The following IGFBP7 variants were observed in gnomAD, a reference collection of about 807,000 sequenced individuals.
The protein encoded by IGFBP7 is insulin like growth factor binding protein 7.
IGFBP7 carries 31 observed loss-of-function variants against 29.4 expected under a neutral mutation model. The observed-to-expected ratio is 1.05, with a 90% CI of 0.79 to 1.42. The LOEUF is 1.42. IGFBP7 is among the 40% of genes most tolerant of loss of function. IGFBP7 has a pLI of 0.00. For synonymous variants in IGFBP7, 172 were observed against 174.9 expected, an observed-to-expected ratio of 0.98 and a Z score of 0.13; for missense variants, 393 against 395.5, an observed-to-expected ratio of 0.99 and a Z score of 0.05.
At chr4:57,067,209 A>G (rs7356193) in intron 1 of IGFBP7, among the ~76,000 whole-genome samples, 7,428 of 152,238 alleles carry the variant, frequency 0.049, 205 homozygotes, top group Middle Eastern at 0.12. Flanking sequence ...AGAATCTTTT[A>G]TGTTACTTTC....
rs1726128498 is a variant in IGFBP7, at chr4:57,109,801, C to T, written c.475+76G>A. The T allele has an allele frequency of 2.1e-5, 31 of 1,457,268 alleles. No individual in the cohort carries two copies. In the South Asian group the frequency reaches 3.8e-4, roughly 18 times the overall value. The allele number at this position is 1,457,268 out of a possible 1,614,324, so 90.3% of individuals were successfully genotyped here. Reference sequence around the variant, plus strand: ...CAGTGAGCAGCGCGGGGCGAGGCCGCCGCGGACGCCCCGTCGGATGTGCCC... The same window carrying T: ...CAGTGAGCAGCGCGGGGCGAGGCCGTCGCGGACGCCCCGTCGGATGTGCCC... On this transcript the variant is annotated intron_variant, in intron 1 of 4. Coordinates refer to ENST00000295666, the MANE Select transcript of IGFBP7 (RefSeq NM_001553.3).
At chr4:57,052,199 G>T (rs1422449181) in intron 1 of IGFBP7, among the ~76,000 whole-genome samples, 2 of 152,134 alleles carry the variant, frequency 1.3e-5, no homozygotes, top group East Asian at 3.9e-4. Context: ...AGACTTGGGG[G>T]ATTATTCAGG....
In IGFBP7 at chr4:57,107,485, A is replaced by G. The variant is rs11573030; in HGVS notation, c.475+2392T>C. Among the ~76,000 whole-genome samples the G allele has an allele frequency of 5.7e-3, 863 of 152,324 alleles. 5 individuals are homozygous for G. The highest frequency in any genetic ancestry group is 0.016 in the South Asian group (76 of 4,834). On this transcript the variant is annotated intron_variant, in intron 1 of 4. Transcript: ENST00000295666. ...ATGGCACTCTGTCCAGTTTGCTTCT[A>G]TGATTGTCAAAACCCATCCAGGTGT...
At chr4:57,040,795 G>A in intron 2 of IGFBP7, 29 bp downstream of exon 2, 1 of 1,414,264 alleles carries the variant, frequency 7.1e-7, no homozygotes, top group Non-Finnish European at 1.0e-6. Context: ...TGTCAGCCTA[G>A]GATGTCTCTT....
At chr4:57,097,640 C>A (rs1253669564) in intron 1 of IGFBP7, among the ~76,000 whole-genome samples, 1 of 121,218 alleles carries the variant, frequency 8.2e-6, no homozygotes, top group Non-Finnish European at 2.0e-5. Flanking sequence ...CAATGTTTTT[C>A]ATGTATTGCC....
chr4:57,073,403 C>T (rs909585413), intron 1 of IGFBP7, among the ~76,000 whole-genome samples: 55 of 151,640 alleles, frequency 3.6e-4, no homozygotes, highest in East Asian at 2.9e-3. Context: ...AAGACCAGCC[C>T]GGACAACATA....
intron 1 of IGFBP7, among the ~76,000 whole-genome samples, chr4:57,049,357 T>G (rs940633219): frequency 6.6e-5 from 10 of 152,178 alleles, no homozygotes; most frequent in Non-Finnish European, 7.4e-5. Context: ...CTTCGTTGCT[T>G]TCTCATTTGC....
intron 4 of IGFBP7, among the ~76,000 whole-genome samples, chr4:57,031,562 G>C (rs2109732492): frequency 6.6e-6 from 1 of 152,260 alleles, no homozygotes; most frequent in Non-Finnish European, 1.5e-5. Context: ...ATGCATCAAA[G>C]GTACATCTTA....
intron 1 of IGFBP7, among the ~76,000 whole-genome samples, chr4:57,075,390 T>C (rs1725196749): frequency 6.6e-6 from 1 of 151,948 alleles, no homozygotes; most frequent in Non-Finnish European, 1.5e-5. Flanking sequence ...TATTTTTATT[T>C]TGCCAGGCTT....
chr4:57,064,188 C>T (rs1724864612), intron 1 of IGFBP7, among the ~76,000 whole-genome samples: 1 of 152,114 alleles, frequency 6.6e-6, no homozygotes, highest in Non-Finnish European at 1.5e-5. Flanking sequence ...CTCCAAAAAA[C>T]ACACAAAAAA....
intron 1 of IGFBP7, among the ~76,000 whole-genome samples, chr4:57,108,006 T>G (rs531311626): frequency 8.4e-4 from 128 of 152,340 alleles, no homozygotes; most frequent in Non-Finnish European, 1.3e-3. Flanking sequence ...TTGAAAAAAC[T>G]ATAAAGTTCC....
chr4:57,103,114 A>T (rs1219615998), intron 1 of IGFBP7, among the ~76,000 whole-genome samples: 1 of 152,190 alleles, frequency 6.6e-6, no homozygotes, highest in Non-Finnish European at 1.5e-5. Flanking sequence ...GGGAACCCAG[A>T]TTTGACAATG....
chr4:57,066,603 G>A (rs774566363), intron 1 of IGFBP7, among the ~76,000 whole-genome samples: 13 of 151,420 alleles, frequency 8.6e-5, no homozygotes, highest in South Asian at 8.3e-4. Context: ...TTGCTCTGTC[G>A]CCCAGGCTGG....
In IGFBP7 at chr4:57,076,922, A is replaced by C. The variant is rs137862847; in HGVS notation, c.475+32955T>G. Among the ~76,000 whole-genome samples, 25 of 152,334 alleles carry C rather than the reference A, an allele frequency of 1.6e-4. No individual in the cohort carries two copies. The East Asian group carries it at 4.8e-3, about 29-fold the overall frequency. On this transcript the variant is annotated intron_variant, in intron 1 of 4. Transcript: ENST00000295666. Reference sequence around the variant, plus strand: ...GAGCAATAGTTGAAAGTTGTCAGGGATGTATCCTTCATCTTACTCATAATT... The same window carrying C: ...GAGCAATAGTTGAAAGTTGTCAGGGCTGTATCCTTCATCTTACTCATAATT...
At position 57,033,237 on chromosome 4, in the gene IGFBP7, G is replaced by C. The variant is rs1031750711; in HGVS notation, c.660C>G (p.Thr220=). 6.2e-7 allele frequency: 1 copy of C among 1,614,060 alleles called. No homozygotes were observed. The highest frequency in any genetic ancestry group is 8.5e-7 in the Non-Finnish European group (1 of 1,179,942). The change falls in exon 3 of 5, where the codon ACC becomes ACG. Residue 220 remains threonine, a synonymous_variant. Transcript: ENST00000295666. ...PGDRDNLAIQ[T]RGGPEKHEVT... Reference sequence around the variant, plus strand: ...CTTCATGCTTTTCTGGGCCACCCCGGGTCTGAATGGCCAGGTTGTCCCGGT... The same window carrying C: ...CTTCATGCTTTTCTGGGCCACCCCGCGTCTGAATGGCCAGGTTGTCCCGGT...
intron 1 of IGFBP7, among the ~76,000 whole-genome samples, chr4:57,105,706 C>T (rs1190121334): frequency 6.6e-6 from 1 of 151,976 alleles, no homozygotes; most frequent in Non-Finnish European, 1.5e-5. Flanking sequence ...CTTGAGAGCT[C>T]CTCATCTTAA....
chr4:57,059,993 A>C (rs1724762083), intron 1 of IGFBP7, among the ~76,000 whole-genome samples: 1 of 152,238 alleles, frequency 6.6e-6, no homozygotes, highest in Admixed American at 6.5e-5. Flanking sequence ...GGAATGGATT[A>C]ATTTGTCCCA....
chr4:57,089,039 T>TAA (rs397734783), intron 1 of IGFBP7, among the ~76,000 whole-genome samples: 20,110 of 132,804 alleles, frequency 0.15, 1,837 homozygotes, highest in African/African-American at 0.18. Flanking sequence ...CTCAAAAAAA[T>TAA]AAAAAAAAAA....
intron 1 of IGFBP7, among the ~76,000 whole-genome samples, chr4:57,050,244 A>C (rs190431094): frequency 3.7e-3 from 503 of 137,152 alleles, no homozygotes; most frequent in Non-Finnish European, 5.7e-3. Context: ...TTTTTATTTA[A>C]GTTTTTTTTT....
Sources: gnomAD v4.1 joint callset for allele counts (sites outside exome capture counted in the v4.1 genomes callset) on GRCh38, gnomAD v4.1.1 for gene constraint, MANE v1.5 for transcripts, NCBI Gene and HGNC (gene_info 2026-07-23, HGNC 2026-07-21) for gene names.